The following FNTA variants were observed in gnomAD, a reference collection of about 807,000 sequenced individuals.
The protein encoded by FNTA is farnesyltransferase, CAAX box, subunit alpha, also known as protein farnesyltransferase/geranylgeranyltransferase type-1 subunit alpha.
FNTA carries 27 observed loss-of-function variants against 55.2 expected under a neutral mutation model. That is an observed-to-expected ratio of 0.49 (90% CI 0.36 to 0.67). The LOEUF (loss-of-function observed/expected upper bound fraction) is 0.67. Ranked by LOEUF, FNTA falls within the 30% of genes least tolerant of loss-of-function variation. The pLI, the probability that FNTA is intolerant of heterozygous loss-of-function variation, is 0.00. For missense variants in FNTA, 422 were observed against 464.7 expected, an observed-to-expected ratio of 0.91 and a Z score of 0.85; for synonymous variants, 176 against 170.7, an observed-to-expected ratio of 1.03 and a Z score of -0.24.
chr8:43,057,046 C>A (rs1433379480), intron 1 of FNTA: 1 of 152,188 alleles, frequency 6.6e-6, no homozygotes, highest in African/African-American at 2.4e-5. Context: ...TTCATCCAAT[C>A]TGTATTTTAG....
chr8:43,078,375 G>A (rs1260860972), intron 6 of FNTA: 1 of 151,736 alleles, frequency 6.6e-6, no homozygotes, highest in Non-Finnish European at 1.5e-5. Context: ...ACAAGTTGAA[G>A]CATCTTGAGC....
intron 2 of FNTA, among the ~76,000 whole-genome samples, chr8:43,060,915 G>T (rs1329540572): frequency 1.3e-5 from 2 of 150,828 alleles, no homozygotes; most frequent in African/African-American, 5.0e-5. Flanking sequence ...TAAGGAGACA[G>T]AGAGTTTAAT....
chr8:43,076,454 C>T (rs1011415323), intron 5 of FNTA, among the ~76,000 whole-genome samples: 1 of 152,172 alleles, frequency 6.6e-6, no homozygotes, highest in Non-Finnish European at 1.5e-5. Flanking sequence ...TGGGATTGCC[C>T]ATGAGAGCCA....
chr8:43,079,607 G>T (rs1056347737), intron 6 of FNTA: 1 of 152,252 alleles, frequency 6.6e-6, no homozygotes, highest in Non-Finnish European at 1.5e-5. Context: ...GCAAGGAGAT[G>T]CTGTTTTCAT....
chr8:43,065,570 A>G (rs1317213667), intron 3 of FNTA, among the ~76,000 whole-genome samples: 8 of 146,616 alleles, frequency 5.5e-5, no homozygotes, highest in Non-Finnish European at 1.2e-4. Context: ...TAATAGTATA[A>G]TGACATTCCC....
At chr8:43,079,515 CTGT>C (rs77324272) in intron 6 of FNTA, 115,116 of 152,568 alleles carry the variant, frequency 0.75, 45,118 homozygotes, top group Non-Finnish European at 0.87. Context: ...TCTTTGAGGT[CTGT>C]TGTTCAGAAA....
At chr8:43,060,331 T>A (rs1810501692) in intron 2 of FNTA, among the ~76,000 whole-genome samples, 1 of 152,164 alleles carries the variant, frequency 6.6e-6, no homozygotes, top group Non-Finnish European at 1.5e-5. Flanking sequence ...GAAACTAATA[T>A]AATCATATGT....
chr8:43,080,979 T>C (rs189249868), intron 6 of FNTA: 157 of 152,354 alleles, frequency 1.0e-3, no homozygotes, highest in African/African-American at 3.6e-3. Flanking sequence ...TTAGGATTTA[T>C]TTTCCTTTTA....
At chr8:43,071,437 G>T (rs535570144) in intron 4 of FNTA, among the ~76,000 whole-genome samples, 140 of 152,208 alleles carry the variant, frequency 9.2e-4, no homozygotes, top group African/African-American at 3.3e-3. Context: ...TTAGGAGGCT[G>T]AGGTGGGCGG....
At chr8:43,074,984 GT>G (rs1206445597) in intron 5 of FNTA, among the ~76,000 whole-genome samples, 2 of 152,132 alleles carry the variant, frequency 1.3e-5, no homozygotes, top group East Asian at 3.8e-4. Context: ...TCATTTTCTG[GT>G]TTTGGGATTG....
rs1165228460 is a variant in FNTA, at chr8:43,066,148, ATTTTC to A, written c.401+1938_401+1942del. On this transcript the variant is annotated intron_variant, in intron 3 of 8. Transcript: ENST00000302279. ...CTTATTTTCATTTGTTTATCTTTTT[ATTTTC>A]TTTTGAGATAATTTCATCAATTTTA... is the stretch of plus-strand genomic sequence containing the variant. Among the ~76,000 whole-genome samples the A allele has an allele frequency of 1.0e-4, 15 of 145,084 alleles. 1 individual carries two copies. Among genetic ancestry groups the A allele is most frequent in the Non-Finnish European group, 1.8e-4 (12 of 66,210 alleles).
chr8:43,082,103 A>C (rs571816631), intron 6 of FNTA: 78 of 152,252 alleles, frequency 5.1e-4, no homozygotes, highest in African/African-American at 1.8e-3. Flanking sequence ...TTATAGTAAC[A>C]GCACTGCAGC....
At chr8:43,083,824 G>C (rs181969540) in intron 7 of FNTA, among the ~76,000 whole-genome samples, 1 of 152,334 alleles carries the variant, frequency 6.6e-6, no homozygotes, top group Non-Finnish European at 1.5e-5. Context: ...TGCAATCCCA[G>C]CACTTTGGGA....
At chr8:43,072,843 T>C (rs1301042404) in intron 5 of FNTA, among the ~76,000 whole-genome samples, 6 of 152,242 alleles carry the variant, frequency 3.9e-5, no homozygotes, top group Non-Finnish European at 8.8e-5. Context: ...ATTGAATTTG[T>C]ATCATATTTG....
In FNTA at chr8:43,056,506, G is replaced by C. The variant is rs1275861188; in HGVS notation, c.160G>C (p.Gly54Arg). The C allele has an allele frequency of 6.4e-7, 1 of 1,567,644 alleles. No individual in the cohort carries two copies. Among genetic ancestry groups the C allele is most frequent in the African/African-American group, 1.4e-5 (1 of 71,072 alleles). Residue 54 changes from glycine (G) to arginine (R), a missense_variant, in exon 1 of 9, where the codon GGG becomes CGG. Coordinates refer to ENST00000302279, the MANE Select transcript of FNTA (RefSeq NM_002027.3). ...AGCCGTGGCGTCCCCCATGGACGACGGGTTTGTGAGCCTGGACTCGCCCTC... is the reference window on the plus strand; with the variant it reads ...AGCCGTGGCGTCCCCCATGGACGACCGGTTTGTGAGCCTGGACTCGCCCTC... ...GEAVASPMDDGFVSLDSPSYV... is the reference protein window; with the variant it reads ...GEAVASPMDDRFVSLDSPSYV...
Position 43,056,338 on chromosome 8 carries a change from C to G in FNTA, c.-9C>G, listed in dbSNP as rs1344506214. 24 of 1,408,768 alleles carry G rather than the reference C, an allele frequency of 1.7e-5. No individual in the cohort carries two copies. The highest frequency in any genetic ancestry group is 1.8e-5 in the Non-Finnish European group (20 of 1,090,172). 87.3% of individuals were successfully genotyped at this position (1,408,768 alleles called of 1,614,324 possible). Reference sequence around the variant, plus strand: ...CTCCGCCACCACCTCAGCTGCGGACCGAGGCGAGATGGCGGCCACCGAGGG... The same window carrying G: ...CTCCGCCACCACCTCAGCTGCGGACGGAGGCGAGATGGCGGCCACCGAGGG... On this transcript the variant is annotated 5_prime_UTR_variant, in exon 1 of 9. Transcript: ENST00000302279.
chr8:43,056,674 C>A, intron 1 of FNTA, 128 bp downstream of exon 1: 1 of 519,002 alleles, frequency 1.9e-6, no homozygotes, highest in Non-Finnish European at 2.8e-6. Context: ...TGGGCCGGTG[C>A]ATGGCGCTGG....
Position 43,069,678 on chromosome 8 carries a change from T to C in FNTA, c.506+19T>C, listed in dbSNP as rs754660986. 17 of 1,505,624 alleles carry C rather than the reference T, an allele frequency of 1.1e-5. No individual in the cohort carries two copies. Among genetic ancestry groups the C allele is most frequent in the Non-Finnish European group, 1.5e-5 (16 of 1,083,470 alleles). 93.3% of individuals were successfully genotyped at this position (1,505,624 alleles called of 1,614,324 possible). ...AAGTTTGGTAAGTTTGGAGTCTAGCTGTGTCTCCCAGGCTGGAGTGCAGTG... is the reference window on the plus strand; with the variant it reads ...AAGTTTGGTAAGTTTGGAGTCTAGCCGTGTCTCCCAGGCTGGAGTGCAGTG... On this transcript the variant is annotated intron_variant, in intron 4 of 8. Coordinates refer to ENST00000302279, the MANE Select transcript of FNTA (RefSeq NM_002027.3).
At chr8:43,081,789 C>T (rs1811032552) in intron 6 of FNTA, 1 of 152,202 alleles carries the variant, frequency 6.6e-6, no homozygotes, top group South Asian at 2.1e-4. Context: ...GTCTTGATCT[C>T]CTGGCCTCAA....
Sources: gnomAD v4.1 joint callset for allele counts (sites outside exome capture counted in the v4.1 genomes callset) on GRCh38, gnomAD v4.1.1 for gene constraint, MANE v1.5 for transcripts, NCBI Gene and HGNC (gene_info 2026-07-23, HGNC 2026-07-21) for gene names.